The following TRIP4 variants were observed in gnomAD, a reference collection of about 807,000 sequenced individuals.
TRIP4 encodes activating signal cointegrator 1.
A neutral mutation model predicts 81.8 loss-of-function variants in TRIP4; 54 were observed. The ratio of observed to expected loss-of-function variants is 0.66; its 90% CI spans 0.53 to 0.83. The LOEUF (loss-of-function observed/expected upper bound fraction) is 0.83, where lower values mean the gene tolerates loss of function less well. TRIP4 is among the 40% of genes least tolerant of loss of function. The pLI is 0.00. For synonymous variants in TRIP4, 270 were observed against 242.8 expected (o/e 1.11, Z -1.04); for missense variants, 662 against 683.6 (o/e 0.97, Z 0.35).
chr15:64,443,688 C>T (rs1892565739), intron 11 of TRIP4, among the ~76,000 whole-genome samples: 3 of 152,060 alleles, frequency 2.0e-5, no homozygotes, highest in South Asian at 4.1e-4. Context: ...AACATTTGAC[C>T]CTGCCTATTA....
Position 64,455,173 on chromosome 15 carries a change from C to A in TRIP4, c.*109C>A. 2 of 892,102 alleles carry A rather than the reference C, an allele frequency of 2.2e-6. No individual in the cohort carries two copies. The highest frequency in any genetic ancestry group is 3.4e-6 in the Non-Finnish European group (2 of 593,514). The allele number at this position is 892,102 out of a possible 1,614,324, so 55.3% of individuals were successfully genotyped here. ...AGAAACCTAAAGGCTTGGCGTCAGG[C>A]TTGAATATCTCAGAACTTAAACTCT... On this transcript the variant is annotated 3_prime_UTR_variant, in exon 13 of 13. Transcript: ENST00000261884.
At chr15:64,398,160 C>T (rs948312422) in intron 4 of TRIP4, among the ~76,000 whole-genome samples, 5 of 152,134 alleles carry the variant, frequency 3.3e-5, no homozygotes, top group African/African-American at 1.2e-4. Flanking sequence ...CTCGGCCTCT[C>T]AAAGTTCTGG....
chr15:64,415,448 G>A (rs774365459), intron 8 of TRIP4, among the ~76,000 whole-genome samples: 14 of 152,286 alleles, frequency 9.2e-5, no homozygotes, highest in East Asian at 3.9e-4. Flanking sequence ...CTAAAAGCCC[G>A]AAATCAAGGT....
intron 4 of TRIP4, among the ~76,000 whole-genome samples, chr15:64,398,322 C>G (rs150649128): frequency 0.014 from 1,959 of 142,988 alleles, 32 homozygotes; most frequent in African/African-American, 0.049. Context: ...AGTCCCAACA[C>G]TTTGGGAAGC....
Position 64,394,062 on chromosome 15 carries a change from A to G in TRIP4, c.218A>G (p.Lys73Arg), listed in dbSNP as rs1217747746. Residue 73 changes from lysine to arginine, a missense_variant, in exon 2 of 13, where the codon AAG becomes AGG. By Grantham distance (26) the Lys-to-Arg change is conservative (BLOSUM62 2). Transcript: ENST00000261884. ...GAAGAACTTATAACCAAATGGCAAAAGAATGATCAGGAGTTGATTTCGGAT... is the reference window on the plus strand; with the variant it reads ...GAAGAACTTATAACCAAATGGCAAAGGAATGATCAGGAGTTGATTTCGGAT... The part of the protein sequence containing the change: ...FIEELITKWQ[K>R]NDQELISDPL... The G allele has an allele frequency of 6.2e-7, 1 of 1,610,726 alleles. No individual in the cohort carries two copies. The highest frequency in any genetic ancestry group is 1.7e-5 in the Admixed American group (1 of 59,526).
At chr15:64,435,575 A>G (rs976669722) in intron 11 of TRIP4, among the ~76,000 whole-genome samples, 6 of 151,484 alleles carry the variant, frequency 4.0e-5, no homozygotes, top group Admixed American at 3.3e-4. Context: ...ATATAATCAT[A>G]CATTCATTAA....
chr15:64,394,490 A>C (rs894415573), intron 2 of TRIP4, among the ~76,000 whole-genome samples: 2 of 151,906 alleles, frequency 1.3e-5, no homozygotes, highest in Admixed American at 6.6e-5. Context: ...CTGTAGTCCC[A>C]GCTACTCAGG....
chr15:64,454,240 A>G (rs1245297988), intron 12 of TRIP4, among the ~76,000 whole-genome samples: 4 of 151,980 alleles, frequency 2.6e-5, no homozygotes, highest in Non-Finnish European at 4.4e-5. Context: ...CAAACTGCCA[A>G]ACTGTTCTCA....
At chr15:64,451,960 A>C (rs1389402027) in intron 12 of TRIP4, among the ~76,000 whole-genome samples, 4 of 148,802 alleles carry the variant, frequency 2.7e-5, no homozygotes, top group African/African-American at 9.9e-5. Context: ...GCCCAAAAAA[A>C]AAAAAAAATT....
In TRIP4 at chr15:64,401,925, G is replaced by C. The variant is rs193042549; in HGVS notation, c.697+1104G>C. 2.0e-5 allele frequency among the ~76,000 whole-genome samples: 3 copies of C among 152,224 alleles called. No individual in the cohort carries two copies. In the East Asian group the frequency reaches 5.8e-4, roughly 29 times the overall value. On this transcript the variant is annotated intron_variant, in intron 5 of 12. Coordinates refer to ENST00000261884, the MANE Select transcript of TRIP4 (RefSeq NM_016213.5). Reference sequence around the variant, plus strand: ...AAAGACAAGAAAAGATTGAAGAAACGTCACAGATCAGAGTAGATTAAGGAT... The same window carrying C: ...AAAGACAAGAAAAGATTGAAGAAACCTCACAGATCAGAGTAGATTAAGGAT...
intron 2 of TRIP4, 100 bp from the exon 3 acceptor site, chr15:64,395,298 A>G: frequency 1.0e-6 from 1 of 997,024 alleles, no homozygotes; most frequent in Non-Finnish European, 1.4e-6. Context: ...TCTTGACTCT[A>G]AATATTAAGC....
At chr15:64,409,966 T>TAA in intron 7 of TRIP4, 138 bp downstream of exon 7, 1 of 702,732 alleles carries the variant, frequency 1.4e-6, no homozygotes, top group Non-Finnish European at 2.2e-6. Context: ...TAAGAATAGC[T>TAA]AAGAAAAAAT....
intron 9 of TRIP4, among the ~76,000 whole-genome samples, chr15:64,423,215 T>C (rs2140300088): frequency 6.6e-6 from 1 of 152,202 alleles, no homozygotes; most frequent in East Asian, 1.9e-4. Flanking sequence ...ATGCCTGTAA[T>C]CCCAGCACTT....
At chr15:64,450,845 A>C (rs867783202) in intron 12 of TRIP4, 1 of 386,782 alleles carries the variant, frequency 2.6e-6, no homozygotes. Flanking sequence ...AGCTGGTCTC[A>C]CTTGAGGGCT....
rs1034029607 is a variant in TRIP4 at position 64,395,546 on chromosome 15, A to G, written c.405+15A>G. On this transcript the variant is annotated intron_variant, in intron 3 of 12. Coordinates refer to ENST00000261884, the MANE Select transcript of TRIP4 (RefSeq NM_016213.5). ...ATTTGGCCAAGGTGAGTGCTTATAG[A>G]TTGAAGCTTTTTCTGACTATTGGAG... 3 of 1,595,768 alleles carry G rather than the reference A, an allele frequency of 1.9e-6. No homozygotes were observed. Among genetic ancestry groups the G allele is most frequent in the African/African-American group, 1.3e-5 (1 of 74,358 alleles).
At chr15:64,393,213 G>T (rs552669095) in intron 1 of TRIP4, 1 of 146,802 alleles carries the variant, frequency 6.8e-6, no homozygotes, top group Non-Finnish European at 1.5e-5. Context: ...GCAGTGGCAC[G>T]ATCTCAGCTC....
chr15:64,406,479 A>C lies in TRIP4; in HGVS notation c.827+20A>C, dbSNP rs1336297490. Reference sequence around the variant, plus strand: ...AACTAGGTATGAAAGGGTTAGAATAACAAATGCTAAGAAATAAACTAGTCC... The same window carrying C: ...AACTAGGTATGAAAGGGTTAGAATACCAAATGCTAAGAAATAAACTAGTCC... On this transcript the variant is annotated intron_variant, in intron 6 of 12. Coordinates refer to ENST00000261884, the MANE Select transcript of TRIP4 (RefSeq NM_016213.5). 3 of 1,608,748 alleles carry C rather than the reference A, an allele frequency of 1.9e-6. No homozygotes were observed. The highest frequency in any genetic ancestry group is 1.7e-6 in the Non-Finnish European group (2 of 1,178,080).
chr15:64,451,639 T>G (rs1399846527), intron 12 of TRIP4, among the ~76,000 whole-genome samples: 1 of 151,578 alleles, frequency 6.6e-6, no homozygotes, highest in East Asian at 1.9e-4. Flanking sequence ...ACCCGGCTAA[T>G]TTTTTATTGC....
chr15:64,393,710 A>G, intron 1 of TRIP4: 1 of 318,750 alleles, frequency 3.1e-6, no homozygotes, highest in Non-Finnish European at 5.6e-6. Context: ...TCCATCACTC[A>G]CTAGTAATCG....
Sources: allele counts gnomAD v4.1 joint callset (sites outside exome capture counted in the v4.1 genomes callset), GRCh38; gene constraint gnomAD v4.1.1; transcripts MANE v1.5; gene names NCBI Gene and HGNC (gene_info 2026-07-23, HGNC 2026-07-21).